TRIM14: variants seen among roughly 807,000 people sequenced by gnomAD.
TRIM14 encodes the protein tripartite motif-containing protein 14.
A neutral mutation model predicts 44.5 loss-of-function variants in TRIM14; 28 were observed. That is an observed-to-expected ratio of 0.63 (90% CI 0.47 to 0.86). The LOEUF (loss-of-function observed/expected upper bound fraction) is 0.86, where lower values mean the gene tolerates loss of function less well. TRIM14 is among the 40% of genes least tolerant of loss of function. The probability of loss-of-function intolerance (pLI) is 0.00; values close to 1 mark genes in which losing one functional copy is unlikely to be tolerated. For synonymous variants in TRIM14, 299 were observed against 269.2 expected, an observed-to-expected ratio of 1.11 and a Z score of -1.08; for missense variants, 607 against 611.1, an observed-to-expected ratio of 0.99 and a Z score of 0.07.
chr9:98,107,861 T>G (rs1826681552), intron 2 of TRIM14, among the ~76,000 whole-genome samples: 1 of 151,580 alleles, frequency 6.6e-6, no homozygotes, highest in Admixed American at 6.6e-5. Context: ...AGAGATGGGG[T>G]TTCAACATGA....
At chr9:98,091,271 C>A (rs1825983271) in intron 5 of TRIM14, among the ~76,000 whole-genome samples, 1 of 152,102 alleles carries the variant, frequency 6.6e-6, no homozygotes, top group Admixed American at 6.6e-5. Flanking sequence ...CAATGCAATG[C>A]CATGCAACCT....
chr9:98,063,204 C>T, the TRIM14 span, among the ~76,000 whole-genome samples: 1 of 151,334 alleles, frequency 6.6e-6, no homozygotes, highest in Non-Finnish European at 1.5e-5. Context: ...CTGGGGATTA[C>T]GGGTGTGAGC....
chr9:98,056,629 C>T, the TRIM14 span: 8 of 959,138 alleles, frequency 8.3e-6, no homozygotes, highest in African/African-American at 5.4e-5. Flanking sequence ...CCGCCCCCCG[C>T]CCCGATTGGC....
the TRIM14 span, chr9:98,060,672 A>C: frequency 9.8e-7 from 1 of 1,018,098 alleles, no homozygotes; most frequent in Non-Finnish European, 1.5e-6. Flanking sequence ...CTCTGTCTCT[A>C]AATAAATAAA....
the TRIM14 span, among the ~76,000 whole-genome samples, chr9:98,052,039 C>T: frequency 6.6e-6 from 1 of 152,156 alleles, no homozygotes; most frequent in Non-Finnish European, 1.5e-5. Flanking sequence ...GGTTATTACA[C>T]ACCAAGGCTA....
chr9:98,079,319 T>C (rs1039064508), intron 6 of TRIM14, among the ~76,000 whole-genome samples: 1 of 152,214 alleles, frequency 6.6e-6, no homozygotes, highest in Non-Finnish European at 1.5e-5. Context: ...AAAACTATTA[T>C]AGTAACATTA....
chr9:98,045,917 T>C, the TRIM14 span, among the ~76,000 whole-genome samples: 1 of 152,262 alleles, frequency 6.6e-6, no homozygotes, highest in East Asian at 1.9e-4. Context: ...AAATTTCTGT[T>C]CCAAACTGGG....
chr9:98,083,298 A>T (rs1217883014), downstream of TRIM14, among the ~76,000 whole-genome samples: 1 of 152,236 alleles, frequency 6.6e-6, no homozygotes, highest in Non-Finnish European at 1.5e-5. Flanking sequence ...ACAGTGCATT[A>T]TAAACAGAGC....
chr9:98,089,551 A>T (rs905330802), intron 5 of TRIM14, among the ~76,000 whole-genome samples: 3 of 152,312 alleles, frequency 2.0e-5, no homozygotes, highest in Non-Finnish European at 2.9e-5. Context: ...GGGCAAACTT[A>T]TCTACCTACT....
intron 2 of TRIM14, 39 bp downstream of exon 2, chr9:98,109,849 TG>T (rs779974947): frequency 2.6e-6 from 4 of 1,528,844 alleles, no homozygotes; most frequent in Non-Finnish European, 3.6e-6. Context: ...GGGGGAAATG[TG>T]GGTCTTTCCA....
the TRIM14 span, among the ~76,000 whole-genome samples, chr9:98,041,996 TA>T: frequency 5.3e-5 from 8 of 151,226 alleles, no homozygotes; most frequent in African/African-American, 1.5e-4. Flanking sequence ...GGACATCTTT[TA>T]AAAAAAAGTT....
intron 5 of TRIM14, among the ~76,000 whole-genome samples, chr9:98,090,778 G>A (rs10985006): frequency 0.068 from 10,295 of 152,166 alleles, 570 homozygotes; most frequent in East Asian, 0.24. Flanking sequence ...TGTGCAGGCT[G>A]GTCTCGAACT....
the TRIM14 span, among the ~76,000 whole-genome samples, chr9:98,037,411 G>A: frequency 1.3e-5 from 2 of 152,064 alleles, no homozygotes; most frequent in African/African-American, 4.8e-5. Context: ...AGTGGGTGAA[G>A]AAGAGGGTCT....
rs115784635 is a variant in TRIM14 at position 98,100,864 on chromosome 9, G to A, written c.304-700C>T. Among the ~76,000 whole-genome samples, 1,197 of 152,122 alleles carry A rather than the reference G, an allele frequency of 7.9e-3. 13 individuals carry two copies. The highest frequency in any genetic ancestry group is 0.027 in the African/African-American group (1,130 of 41,552). ...AAAATAATATGAGATTTTCCACAAT[G>A]AAAGGTTAAGGAAAACAAACAAAAG... On this transcript the variant is annotated intron_variant, in intron 2 of 5. Coordinates refer to ENST00000341469, the MANE Select transcript of TRIM14 (RefSeq NM_014788.4).
the TRIM14 span, among the ~76,000 whole-genome samples, chr9:98,057,489 C>T: frequency 5.3e-5 from 8 of 152,200 alleles, no homozygotes; most frequent in African/African-American, 1.7e-4. Context: ...CCACTACTAG[C>T]TGTGTGAACA....
At chr9:98,042,834 C>T in the TRIM14 span, among the ~76,000 whole-genome samples, 10 of 150,760 alleles carry the variant, frequency 6.6e-5, no homozygotes, top group Admixed American at 1.3e-4. Flanking sequence ...CACGCCACTG[C>T]ACTCCAGCCT....
the TRIM14 span, among the ~76,000 whole-genome samples, chr9:98,046,318 A>G: frequency 6.6e-6 from 1 of 152,216 alleles, no homozygotes; most frequent in Non-Finnish European, 1.5e-5. Context: ...AAATCGTACT[A>G]AAGGTAACTT....
downstream of TRIM14, among the ~76,000 whole-genome samples, chr9:98,066,218 T>A (rs1296323015): frequency 2.0e-5 from 3 of 152,164 alleles, no homozygotes; most frequent in Non-Finnish European, 4.4e-5. Context: ...TAATGAGAAG[T>A]ATATGAAGGC....
chr9:98,058,547 CA>C, the TRIM14 span, among the ~76,000 whole-genome samples: 1 of 152,194 alleles, frequency 6.6e-6, no homozygotes, highest in Non-Finnish European at 1.5e-5. Flanking sequence ...GGGAAATTCC[CA>C]CTCTTAATTT....
Sources: gnomAD v4.1 joint callset for allele counts (sites outside exome capture counted in the v4.1 genomes callset) on GRCh38, gnomAD v4.1.1 for gene constraint, MANE v1.5 for transcripts, NCBI Gene and HGNC (gene_info 2026-07-23, HGNC 2026-07-21) for gene names.